The following DCAF7 variants were observed in gnomAD, a reference collection of about 807,000 sequenced individuals.
DCAF7 encodes the protein DDB1- and CUL4-associated factor 7.
Under a neutral mutation model 41.2 loss-of-function variants are expected in DCAF7, and 4 were observed. The ratio of observed to expected loss-of-function variants is 0.10; its 90% confidence interval spans 0.05 to 0.22. The LOEUF (loss-of-function observed/expected upper bound fraction) is 0.22, where lower values mean the gene tolerates loss of function less well. DCAF7 is among the 10% of genes least tolerant of loss of function. DCAF7 has a pLI of 1.00. For missense variants in DCAF7, 131 were observed against 443.2 expected (o/e 0.30, Z 6.32); for synonymous variants, 143 against 164.2 (o/e 0.87, Z 0.99).
At chr17:63,578,380 CAAAA>C (rs1010113649) in intron 1 of DCAF7, 86 bp from the exon 2 acceptor site, 67 of 1,557,058 alleles carry the variant, frequency 4.3e-5, no homozygotes, top group Middle Eastern at 1.7e-4. Context: ...AAAAAACAAA[CAAAA>C]AAAACCTCTG....
chr17:63,572,639 A>G (rs2033519593), intron 1 of DCAF7, among the ~76,000 whole-genome samples: 1 of 152,312 alleles, frequency 6.6e-6, no homozygotes, highest in East Asian at 1.9e-4. Context: ...TTGGGGTTTC[A>G]TGCTCCCTGG....
chr17:63,550,836 G>C lies in DCAF7; in HGVS notation c.138+21G>C, dbSNP rs754321095. 2 of 1,609,546 alleles carry C rather than the reference G, an allele frequency of 1.2e-6. No individual in the cohort carries two copies. Among genetic ancestry groups the C allele is most frequent in the Non-Finnish European group, 1.7e-6 (2 of 1,177,668 alleles). ...ACAAGGTGGGCCGGGCAGGGGCTCG[G>C]AACCCAGCTGGCGGGGAGCGGGCCC... On this transcript the variant is annotated intron_variant, in intron 1 of 6. Coordinates refer to ENST00000614556, the MANE Select transcript of DCAF7 (RefSeq NM_005828.5). The surrounding 1 kb of genome is among the most constrained non-coding windows in gnomAD (Gnocchi z 4.8).
Position 63,579,850 on chromosome 17 carries a change from C to T in DCAF7, c.435C>T (p.Cys145=), listed in dbSNP as rs767801388. 9.3e-6 allele frequency: 15 copies of T among 1,613,756 alleles called. No individual in the cohort carries two copies. In the African/African-American group the frequency reaches 1.3e-4, roughly 14 times the overall value. The change falls in exon 4 of 7, where the codon TGC becomes TGT. Residue 145 remains cysteine (C), a synonymous_variant. Transcript: ENST00000614556. ...LLGTSSIDTT[C]TIWGLETGQV... is the part of the protein sequence containing the mutation. ...GTACCTCAAGCATTGATACGACATGCACCATCTGGGGGCTGGAGACAGGGC... is the reference window on the plus strand; with the variant it reads ...GTACCTCAAGCATTGATACGACATGTACCATCTGGGGGCTGGAGACAGGGC...
intron 1 of DCAF7, among the ~76,000 whole-genome samples, chr17:63,571,643 G>A (rs1376296358): frequency 2.0e-5 from 3 of 151,950 alleles, no homozygotes; most frequent in Admixed American, 6.6e-5. Flanking sequence ...TGAAAAATGA[G>A]GATGGCTTTT....
At chr17:63,575,966 A>G (rs2033557546) in intron 1 of DCAF7, among the ~76,000 whole-genome samples, 2 of 152,262 alleles carry the variant, frequency 1.3e-5, no homozygotes, top group South Asian at 4.1e-4. Flanking sequence ...GAAAGCTACT[A>G]TAATCAAGAC....
chr17:63,585,926 A>G (rs2033671819), intron 6 of DCAF7, among the ~76,000 whole-genome samples: 1 of 152,042 alleles, frequency 6.6e-6, no homozygotes, highest in South Asian at 2.1e-4. Context: ...GTTCGTGACC[A>G]GCCTGACAAA....
intron 1 of DCAF7, among the ~76,000 whole-genome samples, chr17:63,564,341 A>G (rs188283333): frequency 1.4e-4 from 22 of 152,244 alleles, no homozygotes; most frequent in African/African-American, 4.3e-4. Context: ...TATAATGGTA[A>G]GGGGTTCAGG....
intron 6 of DCAF7, among the ~76,000 whole-genome samples, chr17:63,586,054 G>T (rs1029286465): frequency 6.6e-6 from 1 of 151,150 alleles, no homozygotes; most frequent in African/African-American, 2.4e-5. Context: ...CAACCCAGGA[G>T]GTGGAGGTTG....
intron 1 of DCAF7, among the ~76,000 whole-genome samples, chr17:63,559,414 TATATAC>T (rs1366713025): frequency 1.9e-4 from 18 of 96,244 alleles, no homozygotes; most frequent in African/African-American, 5.2e-4. Flanking sequence ...TATATGTATA[TATATAC>T]GTATATATAT....
At chr17:63,554,283 G>A (rs1377984487) in intron 1 of DCAF7, among the ~76,000 whole-genome samples, 1 of 152,232 alleles carries the variant, frequency 6.6e-6, no homozygotes, top group African/African-American at 2.4e-5. Context: ...CAAGATTGGT[G>A]TTGGAGCAAC....
chr17:63,571,180 C>T (rs887933899), intron 1 of DCAF7, among the ~76,000 whole-genome samples: 15 of 148,716 alleles, frequency 1.0e-4, no homozygotes, highest in South Asian at 2.1e-4. Context: ...AGTGAGTCTC[C>T]GTCTCAAAAA....
At chr17:63,558,036 C>T (rs2033328929) in intron 1 of DCAF7, among the ~76,000 whole-genome samples, 1 of 152,038 alleles carries the variant, frequency 6.6e-6, no homozygotes, top group Admixed American at 6.6e-5. Flanking sequence ...GCTGAGACTA[C>T]AGGTGCACAC....
Position 63,550,512 on chromosome 17 carries a change from C to T in DCAF7, c.-166C>T, listed in dbSNP as rs528274897. 5.0e-5 allele frequency: 56 copies of T among 1,113,820 alleles called. No homozygotes were observed. In the South Asian group the frequency reaches 8.8e-4, roughly 17 times the overall value. The allele number at this position is 1,113,820 out of a possible 1,614,324, so 69.0% of individuals were successfully genotyped here. A position where few individuals can be genotyped will look rare whatever the true frequency, so the allele number is the denominator to read the frequency against. The stretch of plus-strand genomic sequence containing the variant: ...CCCAAGCTGGTTTGAAACTAGGGGT[C>T]GGGCTCGGCCGTCGTCGTTGTTTGT... On this transcript the variant is annotated 5_prime_UTR_variant, in exon 1 of 7. Transcript: ENST00000614556. The surrounding 1 kb of genome is among the most constrained non-coding windows in gnomAD (Gnocchi z 4.8).
intron 1 of DCAF7, among the ~76,000 whole-genome samples, chr17:63,567,985 G>A (rs907569055): frequency 6.6e-6 from 1 of 151,568 alleles, no homozygotes; most frequent in African/African-American, 2.4e-5. Context: ...CTTAAATATA[G>A]CATGTACCCT....
chr17:63,583,828 C>T (rs1186194162), intron 5 of DCAF7, 117 bp downstream of exon 5: 1 of 1,041,640 alleles, frequency 9.6e-7, no homozygotes, highest in Non-Finnish European at 1.4e-6. Context: ...TTGGGAATGT[C>T]TGGAGGCATT....
At chr17:63,583,352 T>A in intron 4 of DCAF7, 150 bp from the exon 5 acceptor site, 1 of 721,732 alleles carries the variant, frequency 1.4e-6, no homozygotes, top group Non-Finnish European at 2.4e-6. Flanking sequence ...AGCTCTCGGG[T>A]TTCAGTACTC....
chr17:63,579,710 T>C (rs2033599380), intron 3 of DCAF7, 115 bp from the exon 4 acceptor site: 4 of 910,908 alleles, frequency 4.4e-6, no homozygotes, highest in Non-Finnish European at 5.0e-6. Context: ...CACCTTGTTT[T>C]CTGTAGTCTT....
intron 6 of DCAF7, among the ~76,000 whole-genome samples, chr17:63,586,125 C>CAAAAA (rs545840925): frequency 1.7e-5 from 1 of 58,442 alleles, no homozygotes; most frequent in Admixed American, 2.1e-4. Context: ...ACTCTGTCTC[C>CAAAAA]AAAAAAAAAA....
chr17:63,579,997 C>A, intron 4 of DCAF7, 54 bp downstream of exon 4: 1 of 1,354,572 alleles, frequency 7.4e-7, no homozygotes, highest in South Asian at 1.2e-5. Context: ...GCCTTCCGCA[C>A]AGGAAGAGGT....
Sources: gnomAD v4.1 joint callset for allele counts (sites outside exome capture counted in the v4.1 genomes callset) on GRCh38, gnomAD v4.1.1 for gene constraint, Gnocchi (gnomAD v3.1) non-coding constraint, MANE v1.5 for transcripts, NCBI Gene and HGNC (gene_info 2026-07-23, HGNC 2026-07-21) for gene names.